Variants in SCHIP1 observed in about 807,000 individuals in gnomAD.
SCHIP1 encodes schwannomin interacting protein 1.
SCHIP1 carries 8 observed loss-of-function variants against 29.7 expected under a neutral mutation model. The observed-to-expected ratio is 0.27, with a 90% CI of 0.16 to 0.49. The LOEUF (loss-of-function observed/expected upper bound fraction) is 0.49, where lower values mean the gene tolerates loss of function less well. Among genes scored for constraint, SCHIP1 ranks in the 20% least tolerant of loss-of-function variants. The probability of loss-of-function intolerance (pLI) is 0.99; values close to 1 mark genes in which losing one functional copy is unlikely to be tolerated. For missense variants in SCHIP1, 193 were observed against 294.6 expected, an observed-to-expected ratio of 0.66 and a Z score of 2.52; for synonymous variants, 76 against 94.9, an observed-to-expected ratio of 0.80 and a Z score of 1.16.
chr3:159,682,411 C>T, the SCHIP1 span, among the ~76,000 whole-genome samples: 1 of 152,164 alleles, frequency 6.6e-6, no homozygotes, highest in Non-Finnish European at 1.5e-5. Context: ...CTGGTACACC[C>T]ACTCAAAGTT....
chr3:159,844,086 C>T (rs1253200573), intron 1 of SCHIP1, among the ~76,000 whole-genome samples: 1 of 152,180 alleles, frequency 6.6e-6, no homozygotes, highest in East Asian at 1.9e-4. Flanking sequence ...AGTCAGTTAT[C>T]ATGAATTAAG....
At chr3:159,548,709 A>T in the SCHIP1 span, among the ~76,000 whole-genome samples, 513 of 151,912 alleles carry the variant, frequency 3.4e-3, 3 homozygotes, top group African/African-American at 0.012. Flanking sequence ...TTAAATTAAA[A>T]TTTTTTTTAG....
the SCHIP1 span, among the ~76,000 whole-genome samples, chr3:159,516,027 C>T: frequency 7.2e-5 from 11 of 151,930 alleles, no homozygotes; most frequent in African/African-American, 2.7e-4. Context: ...TGAGGAATGA[C>T]CACATCTTCT....
At chr3:159,593,921 A>G in the SCHIP1 span, among the ~76,000 whole-genome samples, 1 of 152,200 alleles carries the variant, frequency 6.6e-6, no homozygotes, top group Non-Finnish European at 1.5e-5. Context: ...AGCTAGGGAG[A>G]TGTGATTCTC....
chr3:159,383,180 C>T, the SCHIP1 span, among the ~76,000 whole-genome samples: 1 of 150,104 alleles, frequency 6.7e-6, no homozygotes, highest in Non-Finnish European at 1.5e-5. Context: ...GAAGTCCTTG[C>T]CCATGCCTAT....
chr3:159,642,645 T>G, the SCHIP1 span, among the ~76,000 whole-genome samples: 1 of 152,172 alleles, frequency 6.6e-6, no homozygotes, highest in Admixed American at 6.6e-5. Flanking sequence ...CTCTAAGGCA[T>G]AGGCAAAAAA....
chr3:159,734,054 A>G, the SCHIP1 span, among the ~76,000 whole-genome samples: 6 of 151,862 alleles, frequency 4.0e-5, no homozygotes, highest in African/African-American at 1.5e-4. Context: ...TCAAATATAG[A>G]TGCACAAAGA....
At chr3:159,585,743 CA>C in the SCHIP1 span, among the ~76,000 whole-genome samples, 1 of 152,138 alleles carries the variant, frequency 6.6e-6, no homozygotes, top group East Asian at 1.9e-4. Context: ...CTTGAATTAG[CA>C]ATCTGACCCT....
At chr3:159,482,827 T>C in the SCHIP1 span, among the ~76,000 whole-genome samples, 2 of 152,092 alleles carry the variant, frequency 1.3e-5, no homozygotes. Flanking sequence ...GAGAAAAGCC[T>C]GCAGTCACAT....
chr3:159,427,651 A>G, the SCHIP1 span, among the ~76,000 whole-genome samples: 221 of 151,066 alleles, frequency 1.5e-3, no homozygotes, highest in African/African-American at 5.0e-3. Context: ...TGCCATCCCC[A>G]TCAAGCTACC....
chr3:159,339,948 G>T, the SCHIP1 span, among the ~76,000 whole-genome samples: 2 of 151,916 alleles, frequency 1.3e-5, no homozygotes, highest in Admixed American at 6.6e-5. Context: ...TTTTGAGAAA[G>T]GTAGTAATTC....
chr3:159,441,443 T>A, the SCHIP1 span, among the ~76,000 whole-genome samples: 1 of 152,018 alleles, frequency 6.6e-6, no homozygotes, highest in East Asian at 1.9e-4. Context: ...AGAGCTAAAG[T>A]AATTTGCACA....
the SCHIP1 span, among the ~76,000 whole-genome samples, chr3:159,714,930 C>T: frequency 1.7e-4 from 26 of 152,344 alleles, no homozygotes; most frequent in African/African-American, 4.3e-4. Context: ...AATCTGAGAA[C>T]GGACTGACTG....
chr3:159,709,858 G>A, the SCHIP1 span, among the ~76,000 whole-genome samples: 5 of 152,178 alleles, frequency 3.3e-5, no homozygotes, highest in Non-Finnish European at 7.4e-5. Context: ...GTTACAAGAA[G>A]ATTTAATAGG....
At position 159,888,777 on chromosome 3, in the gene SCHIP1, T is replaced by C. The variant is rs113062220; in HGVS notation, c.466-43T>C. On this transcript the variant is annotated intron_variant, in intron 4 of 6. Coordinates refer to ENST00000445224, the Ensembl canonical transcript of SCHIP1. ...TGGGTCTTAACGTTCAGTGTGTTTG[T>C]GGCTCTGTTCACTCCTCCATTTCTT... 4.7e-5 allele frequency: 76 copies of C among 1,607,724 alleles called. 2 individuals are homozygous for C. Among genetic ancestry groups the C allele is most frequent in the Middle Eastern group, 3.3e-4 (2 of 6,036 alleles).
At chr3:159,491,283 G>T in the SCHIP1 span, among the ~76,000 whole-genome samples, 4 of 152,216 alleles carry the variant, frequency 2.6e-5, no homozygotes, top group African/African-American at 7.2e-5. Flanking sequence ...AGCACACCAT[G>T]CATGAGTCGA....
the SCHIP1 span, among the ~76,000 whole-genome samples, chr3:159,482,896 C>T: frequency 6.6e-6 from 1 of 152,052 alleles, no homozygotes; most frequent in African/African-American, 2.4e-5. Context: ...TGTCAAATGG[C>T]CAGGCAGTGG....
At chr3:159,837,179 T>G (rs985286613), upstream of SCHIP1, among the ~76,000 whole-genome samples, 3 of 152,098 alleles carry the variant, frequency 2.0e-5, no homozygotes, top group Non-Finnish European at 4.4e-5. Context: ...TTGTCTTCAG[T>G]TTTCAGAAAA....
the SCHIP1 span, among the ~76,000 whole-genome samples, chr3:159,520,306 C>T: frequency 3.9e-5 from 6 of 152,022 alleles, no homozygotes; most frequent in Non-Finnish European, 7.4e-5. Flanking sequence ...GGAGAAAAGG[C>T]AGGACCGGAG....
Sources: gnomAD v4.1 joint callset for allele counts (sites outside exome capture counted in the v4.1 genomes callset) on GRCh38, gnomAD v4.1.1 for gene constraint, MANE v1.5 for transcripts, NCBI Gene and HGNC (gene_info 2026-07-23, HGNC 2026-07-21) for gene names.